FUT8: variants seen among roughly 807,000 people sequenced by gnomAD.
FUT8 encodes alpha-(1,6)-fucosyltransferase.
FUT8 carries 29 observed loss-of-function variants against 71.3 expected under a neutral mutation model. The observed-to-expected ratio is 0.41, with a 90% CI of 0.30 to 0.55. The LOEUF is 0.55. Ranked by LOEUF, FUT8 falls within the 20% of genes least tolerant of loss-of-function variation. The pLI is 0.34. For synonymous variants in FUT8, 254 were observed against 239.3 expected (o/e 1.06, Z -0.57); for missense variants, 544 against 702.1 (o/e 0.77, Z 2.55).
At chr14:65,366,836 A>G in the FUT8 span, among the ~76,000 whole-genome samples, 1 of 152,152 alleles carries the variant, frequency 6.6e-6, no homozygotes, top group Non-Finnish European at 1.5e-5. Context: ...CCCTCAGGAG[A>G]AGTGGCAAAT....
At chr14:65,512,200 G>A (rs900194420) in intron 2 of FUT8, among the ~76,000 whole-genome samples, 1 of 152,182 alleles carries the variant, frequency 6.6e-6, no homozygotes, top group East Asian at 1.9e-4. Flanking sequence ...GTCTTGCTCG[G>A]TTGCCCAGGG....
rs1439117162 is a variant in FUT8, at chr14:65,550,035, TG to T, written c.-227-11299del. ...GAGATCTCGCCACTGCACTCCAGCC[TG>T]GGTGACAGAGCGAGACTCTGTCTAA... is the stretch of plus-strand genomic sequence containing the variant. On this transcript the variant is annotated intron_variant, in intron 2 of 10. Transcript: ENST00000673929. The surrounding 1 kb of genome is among the most constrained non-coding windows in gnomAD (Gnocchi z 4.5). 2.0e-5 allele frequency among the ~76,000 whole-genome samples: 3 copies of T among 152,136 alleles called. No individual in the cohort carries two copies. Among genetic ancestry groups the T allele is most frequent in the Non-Finnish European group, 4.4e-5 (3 of 68,022 alleles).
intron 7 of FUT8, among the ~76,000 whole-genome samples, chr14:65,687,672 A>G (rs1206954969): frequency 1.3e-5 from 2 of 152,130 alleles, no homozygotes; most frequent in Admixed American, 1.3e-4. Flanking sequence ...TGAACAGAAA[A>G]TAAGAGTTCC....
At chr14:65,562,270 T>G (rs1021887119) in intron 3 of FUT8, among the ~76,000 whole-genome samples, 2 of 152,148 alleles carry the variant, frequency 1.3e-5, no homozygotes, top group African/African-American at 4.8e-5. Flanking sequence ...AAACTATGTT[T>G]TAAACTCATG....
rs1422902010 is a variant in FUT8 at position 65,742,913 on chromosome 14, T to G, written c.*503T>G. 2 of 152,646 alleles carry G rather than the reference T, an allele frequency of 1.3e-5. No homozygotes were observed. Among genetic ancestry groups the G allele is most frequent in the Admixed American group, 6.6e-5 (1 of 15,258 alleles). The allele number at this position is 152,646 out of a possible 1,614,324, so 9.5% of individuals were successfully genotyped here. ...CAGAATGAGAATGGACGTTTGGTTT[T>G]TTTTTGTTTTTGTTTTTGTTTTTTC... On this transcript the variant is annotated 3_prime_UTR_variant, in exon 11 of 11. Transcript: ENST00000673929.
At chr14:65,532,742 A>T (rs1884040017) in intron 2 of FUT8, among the ~76,000 whole-genome samples, 1 of 152,150 alleles carries the variant, frequency 6.6e-6, no homozygotes, top group African/African-American at 2.4e-5. Flanking sequence ...GGTATTGCCT[A>T]CGTTGTATTC....
At chr14:65,521,716 T>A (rs1883092225) in intron 2 of FUT8, among the ~76,000 whole-genome samples, 1 of 152,202 alleles carries the variant, frequency 6.6e-6, no homozygotes, top group South Asian at 2.1e-4. Flanking sequence ...ATTTTTTTGG[T>A]TTCATTTTTG....
intron 2 of FUT8, among the ~76,000 whole-genome samples, chr14:65,468,496 A>T (rs2066083066): frequency 6.7e-6 from 1 of 148,704 alleles, no homozygotes; most frequent in Non-Finnish European, 1.5e-5. Flanking sequence ...TGTGGATAAG[A>T]TGTTTTCTGT....
chr14:65,400,461 ATTCCCTGTTAGTC>A, the FUT8 span, among the ~76,000 whole-genome samples: 1 of 152,186 alleles, frequency 6.6e-6, no homozygotes, highest in Non-Finnish European at 1.5e-5. Context: ...TTCCCTGTTA[ATTCCCTGTTAGTC>A]TTCCCTGTTG....
Position 65,709,376 on chromosome 14 carries a change from T to A in FUT8, c.836-12399T>A, listed in dbSNP as rs1894709052. 2.0e-5 allele frequency among the ~76,000 whole-genome samples: 3 copies of A among 152,322 alleles called. No homozygotes were observed. The South Asian group carries it at 6.2e-4, about 32-fold the overall frequency. ...GATGATTTTAGGTGGCATATGAGAT[T>A]ACTTTAGGCAGTGCCTTGATAAAAC... On this transcript the variant is annotated intron_variant, in intron 7 of 10. Coordinates refer to ENST00000673929, the MANE Select transcript of FUT8 (RefSeq NM_001371533.1).
At chr14:65,653,780 C>T (rs1245732394) in intron 6 of FUT8, among the ~76,000 whole-genome samples, 1 of 152,190 alleles carries the variant, frequency 6.6e-6, no homozygotes, top group Non-Finnish European at 1.5e-5. Context: ...TCAAACAATC[C>T]TCCTGCCTTG....
intron 3 of FUT8, among the ~76,000 whole-genome samples, chr14:65,587,143 C>T (rs1194990703): frequency 1.3e-5 from 2 of 150,396 alleles, no homozygotes; most frequent in Non-Finnish European, 3.0e-5. Flanking sequence ...GAGCTGAAAT[C>T]GTGCCACTGC....
the FUT8 span, among the ~76,000 whole-genome samples, chr14:65,390,516 C>T: frequency 6.6e-6 from 1 of 151,540 alleles, no homozygotes; most frequent in Non-Finnish European, 1.5e-5. Context: ...TCAAAAAATG[C>T]AGCTACTAGA....
chr14:65,438,278 T>TTC (rs1566746993), intron 1 of FUT8, among the ~76,000 whole-genome samples: 1 of 152,064 alleles, frequency 6.6e-6, no homozygotes, highest in African/African-American at 2.4e-5. Flanking sequence ...GTTTTTTTTT[T>TTC]CCCCTCACAT....
At chr14:65,721,737 T>C in intron 7 of FUT8, 38 bp from the exon 8 acceptor site, 1 of 1,607,294 alleles carries the variant, frequency 6.2e-7, no homozygotes, top group Non-Finnish European at 8.5e-7. Context: ...GTATAAGGAA[T>C]ACCATGTGGT....
chr14:65,601,894 T>C (rs938081818), intron 3 of FUT8, among the ~76,000 whole-genome samples: 1 of 152,162 alleles, frequency 6.6e-6, no homozygotes. Context: ...CAAGTATTGA[T>C]ATTTTGCCAT....
chr14:65,535,706 G>C (rs1884260305), intron 2 of FUT8, among the ~76,000 whole-genome samples: 1 of 152,126 alleles, frequency 6.6e-6, no homozygotes, highest in Admixed American at 6.5e-5. Flanking sequence ...CTGACTGTGT[G>C]GTCAGTTTTA....
intron 1 of FUT8, among the ~76,000 whole-genome samples, chr14:65,452,190 T>C (rs556589669): frequency 2.2e-4 from 33 of 152,358 alleles, no homozygotes; most frequent in Non-Finnish European, 4.0e-4. Flanking sequence ...ATTTATTGAA[T>C]ACATCTAATT....
chr14:65,520,023 G>T (rs1436161946), intron 2 of FUT8, among the ~76,000 whole-genome samples: 3 of 151,908 alleles, frequency 2.0e-5, no homozygotes, highest in East Asian at 3.9e-4. Flanking sequence ...AAGCAGTCTG[G>T]CTGCCTTGGC....
Sources: allele counts gnomAD v4.1 joint callset (sites outside exome capture counted in the v4.1 genomes callset), GRCh38; gene constraint gnomAD v4.1.1; non-coding constraint Gnocchi (gnomAD v3.1); transcripts MANE v1.5; gene names NCBI Gene and HGNC (gene_info 2026-07-23, HGNC 2026-07-21).